The following PRKG1 variants were observed in gnomAD, a reference collection of about 807,000 sequenced individuals.
The protein encoded by PRKG1 is protein kinase cGMP-dependent 1.
In PRKG1, 35 loss-of-function variants were observed where a neutral mutation model predicts 88.1. That is an observed-to-expected ratio of 0.40 (90% CI 0.30 to 0.53). The LOEUF is 0.53. Among genes scored for constraint, PRKG1 ranks in the 20% least tolerant of loss-of-function variants. The pLI, the probability that PRKG1 is intolerant of heterozygous loss-of-function variation, is 0.59. For synonymous variants in PRKG1, 303 were observed against 292.5 expected, an observed-to-expected ratio of 1.04 and a Z score of -0.37; for missense variants, 540 against 839.8, an observed-to-expected ratio of 0.64 and a Z score of 4.41.
intron 3 of PRKG1, among the ~76,000 whole-genome samples, chr10:51,797,624 G>A (rs1186379602): frequency 1.4e-5 from 2 of 147,554 alleles, no homozygotes; most frequent in Admixed American, 6.8e-5. Flanking sequence ...AAATACATAT[G>A]TAATAAACTT....
chr10:50,994,301 T>C (rs1185677112), intron 1 of PRKG1, among the ~76,000 whole-genome samples: 3 of 151,908 alleles, frequency 2.0e-5, no homozygotes, highest in Non-Finnish European at 4.4e-5. Context: ...ATTTCTGGGA[T>C]ACAATATTTA....
intron 9 of PRKG1, among the ~76,000 whole-genome samples, chr10:52,223,258 T>A (rs1275930249): frequency 6.6e-6 from 1 of 152,130 alleles, no homozygotes; most frequent in African/African-American, 2.4e-5. Flanking sequence ...CCGGAGCTTT[T>A]ATCCATACTG....
intron 4 of PRKG1, among the ~76,000 whole-genome samples, chr10:51,828,499 A>C (rs1839930897): frequency 6.6e-6 from 1 of 152,166 alleles, no homozygotes; most frequent in South Asian, 2.1e-4. Flanking sequence ...CTTTTACATT[A>C]GAGAAGTGGT....
intron 2 of PRKG1, among the ~76,000 whole-genome samples, chr10:51,407,174 A>G (rs976594441): frequency 6.6e-6 from 1 of 152,168 alleles, no homozygotes; most frequent in African/African-American, 2.4e-5. Context: ...CATACCCAGG[A>G]TCAATACTTT....
At chr10:51,229,110 G>A (rs1564646906) in intron 2 of PRKG1, among the ~76,000 whole-genome samples, 1 of 152,124 alleles carries the variant, frequency 6.6e-6, no homozygotes, top group Non-Finnish European at 1.5e-5. Context: ...AGATATCAGT[G>A]ACATGTTTGT....
chr10:52,233,472 C>T (rs1422893902), intron 9 of PRKG1, among the ~76,000 whole-genome samples: 2 of 147,530 alleles, frequency 1.4e-5, no homozygotes, highest in Non-Finnish European at 1.5e-5. Flanking sequence ...GTGCGCGAGC[C>T]GAAGCAGGGC....
At chr10:51,859,508 C>A (rs1840812980) in intron 4 of PRKG1, among the ~76,000 whole-genome samples, 2 of 150,272 alleles carry the variant, frequency 1.3e-5, no homozygotes, top group Non-Finnish European at 1.5e-5. Flanking sequence ...ATCCTGACCA[C>A]ATCAAAAAAA....
At chr10:51,277,213 T>C (rs1052893600) in intron 2 of PRKG1, among the ~76,000 whole-genome samples, 3 of 152,230 alleles carry the variant, frequency 2.0e-5, no homozygotes, top group African/African-American at 7.2e-5. Flanking sequence ...ATTTATTAAA[T>C]AGGCAATCCT....
intron 2 of PRKG1, among the ~76,000 whole-genome samples, chr10:51,290,310 TA>T (rs1840550932): frequency 6.6e-6 from 1 of 152,176 alleles, no homozygotes; most frequent in Admixed American, 6.6e-5. Context: ...TTGATACCAT[TA>T]AATTTACAGG....
chr10:51,672,336 G>A (rs1218675344), intron 3 of PRKG1, among the ~76,000 whole-genome samples: 1 of 151,876 alleles, frequency 6.6e-6, no homozygotes, highest in African/African-American at 2.4e-5. Flanking sequence ...TCTTCACTCT[G>A]TCTTCAAGTT....
intron 17 of PRKG1, among the ~76,000 whole-genome samples, chr10:52,293,363 T>TCC (rs1251013605): frequency 6.6e-6 from 1 of 151,188 alleles, no homozygotes; most frequent in African/African-American, 2.4e-5. Flanking sequence ...TTCAATGCCA[T>TCC]CCCCATCAAG....
chr10:51,284,347 A>C (rs181793104), intron 2 of PRKG1, among the ~76,000 whole-genome samples: 231 of 152,332 alleles, frequency 1.5e-3, no homozygotes, highest in African/African-American at 5.3e-3. Flanking sequence ...GCCCCACTTT[A>C]CGTACTAGGA....
At chr10:52,019,662 T>C (rs10823972) in intron 5 of PRKG1, among the ~76,000 whole-genome samples, 151,591 of 152,314 alleles carry the variant, frequency 1, 75,438 homozygotes, top group Middle Eastern at 1. Flanking sequence ...CAAATTCAGC[T>C]CCCATGGAAG....
At chr10:51,647,044 C>T (rs988317805) in intron 3 of PRKG1, among the ~76,000 whole-genome samples, 2 of 150,638 alleles carry the variant, frequency 1.3e-5, no homozygotes, top group Non-Finnish European at 3.0e-5. Context: ...AATATAAATT[C>T]TTTTTTTAAA....
chr10:51,944,648 T>C (rs1842985241), intron 5 of PRKG1, among the ~76,000 whole-genome samples: 1 of 152,068 alleles, frequency 6.6e-6, no homozygotes, highest in South Asian at 2.1e-4. Context: ...GATTCTGGTA[T>C]GTTGTGTCTT....
At chr10:51,865,312 A>G (rs1380143261) in intron 4 of PRKG1, among the ~76,000 whole-genome samples, 1 of 152,100 alleles carries the variant, frequency 6.6e-6, no homozygotes, top group Admixed American at 6.6e-5. Context: ...TAAACTCAAC[A>G]TCAGAGAGTG....
intron 1 of PRKG1, among the ~76,000 whole-genome samples, chr10:51,039,980 T>A (rs1843399049): frequency 6.6e-6 from 1 of 152,154 alleles, no homozygotes; most frequent in Admixed American, 6.6e-5. Flanking sequence ...TTACTATAGC[T>A]CTGTAATATA....
intron 4 of PRKG1, among the ~76,000 whole-genome samples, chr10:51,852,001 A>C (rs1589355515): frequency 6.6e-6 from 1 of 152,160 alleles, no homozygotes; most frequent in African/African-American, 2.4e-5. Context: ...GGCACCTGCC[A>C]TCTTTGATTT....
At chr10:52,251,129 C>G (rs1318423405) in intron 9 of PRKG1, among the ~76,000 whole-genome samples, 9 of 152,074 alleles carry the variant, frequency 5.9e-5, no homozygotes, top group African/African-American at 2.2e-4. Flanking sequence ...ATAGGAGGCA[C>G]TGCCAGCCTG....
Sources: allele counts gnomAD v4.1 joint callset (sites outside exome capture counted in the v4.1 genomes callset), GRCh38; gene constraint gnomAD v4.1.1; transcripts MANE v1.5; gene names NCBI Gene and HGNC (gene_info 2026-07-23, HGNC 2026-07-21).